Variants in CDHR3 observed in about 807,000 individuals in gnomAD.
The protein encoded by CDHR3 is cadherin-related family member 3.
In CDHR3, 79 loss-of-function variants were observed where a neutral mutation model predicts 86.6. The ratio of observed to expected loss-of-function variants is 0.91; its 90% CI spans 0.76 to 1.10. CDHR3 has a LOEUF of 1.10. Among genes scored for constraint, CDHR3 ranks in the 50% least tolerant of loss-of-function variants. The pLI is 0.00. For missense variants in CDHR3, 1,081 were observed against 1,077.6 expected (o/e 1.00, Z -0.04); for synonymous variants, 421 against 402.4 (o/e 1.05, Z -0.55).
chr7:105,969,822 T>C (rs1265892728), intron 1 of CDHR3, among the ~76,000 whole-genome samples: 1 of 152,194 alleles, frequency 6.6e-6, no homozygotes, highest in Non-Finnish European at 1.5e-5. Flanking sequence ...AATAAAACTG[T>C]AGATTTATAA....
intron 9 of CDHR3, among the ~76,000 whole-genome samples, chr7:106,013,615 A>C (rs1835139266): frequency 6.6e-6 from 1 of 152,286 alleles, no homozygotes; most frequent in South Asian, 2.1e-4. Context: ...GGGGAAGGAG[A>C]AGAGAAAAAT....
intron 14 of CDHR3, 75 bp from the exon 15 acceptor site, chr7:106,024,305 AC>A: frequency 7.8e-7 from 1 of 1,288,322 alleles, no homozygotes; most frequent in Non-Finnish European, 1.1e-6. Flanking sequence ...TGGAATAAAC[AC>A]TCAACACGAG....
intron 6 of CDHR3, among the ~76,000 whole-genome samples, chr7:105,998,181 A>G (rs1165947073): frequency 6.6e-6 from 1 of 152,202 alleles, no homozygotes; most frequent in African/African-American, 2.4e-5. Context: ...TGAGCTTCTC[A>G]GCCTCCTTTT....
rs1585902798 is a variant in CDHR3, at chr7:106,035,637, T to C, written c.*2940T>C. ...CAGTCTTCTCAGTCCAAATACCCCT[T>C]GGAGGTTTCCCCTTGGCCACTTCAT... is the stretch of plus-strand genomic sequence containing the variant. On this transcript the variant is annotated 3_prime_UTR_variant, in exon 19 of 19. Coordinates refer to ENST00000317716, the MANE Select transcript of CDHR3 (RefSeq NM_152750.5). Among the ~76,000 whole-genome samples the C allele has an allele frequency of 6.6e-6, 1 of 152,184 alleles. No individual in the cohort carries two copies. Among genetic ancestry groups the C allele is most frequent in the East Asian group, 1.9e-4 (1 of 5,186 alleles).
At position 105,973,254 on chromosome 7, in the gene CDHR3, T is replaced by G. The variant is rs547160946; in HGVS notation, c.47-1590T>G. ...GACATTAATACCTGTCTGAGAGGAG[T>G]GTTTGAGGAGTAAGTGAAATACAGG... On this transcript the variant is annotated intron_variant, in intron 1 of 18. Coordinates refer to ENST00000317716, the MANE Select transcript of CDHR3 (RefSeq NM_152750.5). Among the ~76,000 whole-genome samples the G allele has an allele frequency of 2.0e-5, 3 of 152,178 alleles. No individual in the cohort carries two copies. In the East Asian group the frequency reaches 5.8e-4, roughly 29 times the overall value.
intron 15 of CDHR3, among the ~76,000 whole-genome samples, chr7:106,025,753 CA>C (rs375019777): frequency 4.6e-5 from 7 of 152,234 alleles, no homozygotes; most frequent in African/African-American, 1.7e-4. Context: ...TGCATTTTGC[CA>C]TATTTATTGC....
At chr7:105,970,376 G>A (rs1195245656) in intron 1 of CDHR3, among the ~76,000 whole-genome samples, 2 of 152,236 alleles carry the variant, frequency 1.3e-5, no homozygotes, top group African/African-American at 4.8e-5. Context: ...CCAGATCTTA[G>A]CCACAAGCAA....
intron 15 of CDHR3, among the ~76,000 whole-genome samples, chr7:106,025,684 G>C (rs17152480): frequency 0.19 from 28,497 of 152,118 alleles, 2,849 homozygotes; most frequent in Middle Eastern, 0.24. Context: ...TGTCAAATAA[G>C]AAAATCTATG....
At chr7:105,997,465 C>G (rs76331021) in intron 6 of CDHR3, among the ~76,000 whole-genome samples, 7,605 of 152,258 alleles carry the variant, frequency 0.05, 282 homozygotes, top group South Asian at 0.19. Flanking sequence ...GGGTTAGGTT[C>G]AGAAGGAGAG....
chr7:106,017,243 A>G (rs560565693), intron 11 of CDHR3, among the ~76,000 whole-genome samples: 1 of 152,288 alleles, frequency 6.6e-6, no homozygotes, highest in Non-Finnish European at 1.5e-5. Context: ...CAAAATGATT[A>G]GTGTCCCTGG....
chr7:106,025,787 C>T (rs1024682017), intron 15 of CDHR3, among the ~76,000 whole-genome samples: 2 of 152,132 alleles, frequency 1.3e-5, no homozygotes, highest in African/African-American at 4.8e-5. Flanking sequence ...CTATTGGCAA[C>T]CTTGACTTCA....
Position 106,001,508 on chromosome 7 carries a change from A to G in CDHR3, c.760A>G (p.Ile254Val). The G allele has an allele frequency of 6.2e-7, 1 of 1,614,050 alleles. No individual in the cohort carries two copies. Among genetic ancestry groups the G allele is most frequent in the South Asian group, 1.1e-5 (1 of 91,082 alleles). ...CCTGGAGGAACTGAGTCCAGGAACC[A>G]TCGTGGCCAATATCACAGCGGAGGA... Reference protein sequence around the residue: ...TVLEELSPGTIVANITAEDPD... With the variant: ...TVLEELSPGTVVANITAEDPD... Residue 254 changes from isoleucine (I) to valine (V), a missense_variant, in exon 7 of 19, where the codon ATC (isoleucine) becomes GTC (valine). Physicochemically the swap from Ile to Val is conservative, Grantham distance 29. Transcript: ENST00000317716.
chr7:106,004,799 C>A, intron 8 of CDHR3, 112 bp downstream of exon 8: 1 of 1,023,128 alleles, frequency 9.8e-7, no homozygotes, highest in Non-Finnish European at 1.5e-6. Flanking sequence ...AGAAACAGCT[C>A]AGTAGAATAA....
At chr7:105,985,443 C>T (rs1401869949) in intron 4 of CDHR3, among the ~76,000 whole-genome samples, 3 of 152,186 alleles carry the variant, frequency 2.0e-5, no homozygotes, top group Non-Finnish European at 4.4e-5. Flanking sequence ...ATATGACACT[C>T]GGGGAATTGG....
At chr7:105,974,776 CT>C (rs1227305276) in intron 1 of CDHR3, 67 bp from the exon 2 acceptor site, 1 of 1,274,050 alleles carries the variant, frequency 7.8e-7, no homozygotes, top group African/African-American at 1.5e-5. Context: ...ACAAACCAAG[CT>C]GTTAAGTCCC....
Position 105,994,807 on chromosome 7 carries a change from C to T in CDHR3, c.570C>T (p.Phe190=). The change falls in exon 5 of 19, where the codon TTC becomes TTT. Residue 190 remains phenylalanine (F), a synonymous_variant. Coordinates refer to ENST00000317716, the MANE Select transcript of CDHR3 (RefSeq NM_152750.5). ...GAATGTCTGCTAATGGCACCCTCTT[C>T]TCCACAACAGAATTGGACTTTGAAG... ...SFRMSANGTL[F]STTELDFEAG... is the part of the protein sequence containing the mutation. The T allele has an allele frequency of 6.2e-7, 1 of 1,612,454 alleles. No homozygotes were observed. The highest frequency in any genetic ancestry group is 8.5e-7 in the Non-Finnish European group (1 of 1,179,272).
chr7:106,017,964 T>C lies in CDHR3; in HGVS notation c.1545T>C (p.Asn515=), dbSNP rs1478071319. The C allele has an allele frequency of 3.1e-6, 5 of 1,613,780 alleles. No homozygotes were observed. The highest frequency in any genetic ancestry group is 3.4e-6 in the Non-Finnish European group (4 of 1,179,862). Residue 515 remains asparagine, a synonymous_variant, in exon 12 of 19, where the codon AAT becomes AAC. Coordinates refer to ENST00000317716, the MANE Select transcript of CDHR3 (RefSeq NM_152750.5). ...SLQYPNVFWI[N]PKTGELQLVT... ...AGTATCCAAATGTATTTTGGATTAA[T>C]CCCAAGACAGGAGAACTCCAGCTGG...
Position 106,028,221 on chromosome 7 carries a change from C to T in CDHR3, c.2273-330C>T, listed in dbSNP as rs184477163. ...ATGCACAAAACCCACACCTTATGAA[C>T]AGAGGTATCCAATCCCATCTTTCTT... is the stretch of plus-strand genomic sequence containing the variant. On this transcript the variant is annotated intron_variant, in intron 16 of 18. Transcript: ENST00000317716. 8.5e-5 allele frequency among the ~76,000 whole-genome samples: 13 copies of T among 152,064 alleles called. No individual in the cohort carries two copies. In the East Asian group the frequency reaches 2.3e-3, roughly 27 times the overall value.
intron 1 of CDHR3, among the ~76,000 whole-genome samples, chr7:105,965,086 A>G (rs932219659): frequency 3.3e-5 from 5 of 152,208 alleles, no homozygotes; most frequent in African/African-American, 1.2e-4. Flanking sequence ...TGCAAGAAAT[A>G]CTTGAGATTT....
Sources: allele counts gnomAD v4.1 joint callset (sites outside exome capture counted in the v4.1 genomes callset), GRCh38; gene constraint gnomAD v4.1.1; transcripts MANE v1.5; gene names NCBI Gene and HGNC (gene_info 2026-07-23, HGNC 2026-07-21).